Variants in PAFAH1B1 observed in about 807,000 individuals in gnomAD.
PAFAH1B1 encodes the protein platelet activating factor acetylhydrolase 1b regulatory subunit 1.
PAFAH1B1 carries 2 observed loss-of-function variants against 57.5 expected under a neutral mutation model. The ratio of observed to expected loss-of-function variants is 0.03; its 90% CI spans 0.01 to 0.11. The LOEUF (loss-of-function observed/expected upper bound fraction) is 0.11. Among genes scored for constraint, PAFAH1B1 ranks in the 10% least tolerant of loss-of-function variants. PAFAH1B1 has a pLI of 1.00. For missense variants in PAFAH1B1, 257 were observed against 512.0 expected (o/e 0.50, Z 4.81); for synonymous variants, 152 against 169.6 (o/e 0.90, Z 0.81).
intron 4 of PAFAH1B1, among the ~76,000 whole-genome samples, chr17:2,666,787 A>C (rs1194008540): frequency 1.3e-5 from 2 of 152,148 alleles, no homozygotes; most frequent in Non-Finnish European, 2.9e-5. Context: ...AATTTTTCTC[A>C]ATTTTTAGTT....
chr17:2,634,426 C>T (rs988488726), intron 1 of PAFAH1B1, among the ~76,000 whole-genome samples: 1 of 152,168 alleles, frequency 6.6e-6, no homozygotes, highest in Non-Finnish European at 1.5e-5. Flanking sequence ...CATGAGCCAC[C>T]GCGCCCAGTC....
In PAFAH1B1 at chr17:2,682,380, T is replaced by G. The variant is rs1335015793; in HGVS notation, c.*578T>G. On this transcript the variant is annotated 3_prime_UTR_variant, in exon 11 of 11. Coordinates refer to ENST00000397195, the MANE Select transcript of PAFAH1B1 (RefSeq NM_000430.4). ...TGTCATGACACATTTGCCAAATCAG[T>G]AGGATATATTTGTTTTGGCAGCCTA... is the stretch of plus-strand genomic sequence containing the variant. The G allele has an allele frequency of 2.6e-5, 4 of 152,680 alleles. No homozygotes were observed. Among genetic ancestry groups the G allele is most frequent in the African/African-American group, 7.2e-5 (3 of 41,454 alleles). 9.5% of individuals were successfully genotyped at this position (152,680 alleles called of 1,614,324 possible). A position where few individuals can be genotyped will look rare whatever the true frequency, so the allele number is the denominator to read the frequency against.
In PAFAH1B1 at chr17:2,608,987, T is replaced by G. The variant is rs554968332; in HGVS notation, c.-191+14981T>G. On this transcript the variant is annotated intron_variant, in intron 1 of 10. Transcript: ENST00000397195. ...CATTATCTAGCCAGGGGTTGAATAC[T>G]GGCAGCCTTGTATTTCTCTTTGCAT... 6.6e-5 allele frequency among the ~76,000 whole-genome samples: 10 copies of G among 152,372 alleles called. No individual in the cohort carries two copies. The South Asian group carries it at 2.1e-3, about 32-fold the overall frequency.
At chr17:2,658,072 A>G (rs1255641908) in intron 2 of PAFAH1B1, among the ~76,000 whole-genome samples, 1 of 152,194 alleles carries the variant, frequency 6.6e-6, no homozygotes, top group Non-Finnish European at 1.5e-5. Flanking sequence ...ACAGTTGTAA[A>G]TTATGCTGAA....
chr17:2,661,025 T>A (rs932555242), intron 2 of PAFAH1B1, among the ~76,000 whole-genome samples: 14 of 152,226 alleles, frequency 9.2e-5, no homozygotes, highest in African/African-American at 3.4e-4. Flanking sequence ...TTTTTTCATA[T>A]GTTTTTTGGC....
chr17:2,614,460 G>A (rs1440976272), intron 1 of PAFAH1B1, among the ~76,000 whole-genome samples: 1 of 152,152 alleles, frequency 6.6e-6, no homozygotes, highest in Non-Finnish European at 1.5e-5. Context: ...AAAGGGGAGA[G>A]AACATAAGAT....
chr17:2,644,017 C>T (rs772251574), intron 2 of PAFAH1B1, among the ~76,000 whole-genome samples: 3 of 152,128 alleles, frequency 2.0e-5, no homozygotes, highest in Non-Finnish European at 4.4e-5. Context: ...TGCAGGCTCC[C>T]GCCACCACAT....
At chr17:2,653,035 G>A (rs905687431) in intron 2 of PAFAH1B1, among the ~76,000 whole-genome samples, 2 of 152,120 alleles carry the variant, frequency 1.3e-5, no homozygotes, top group Non-Finnish European at 2.9e-5. Flanking sequence ...GTCCAACAAC[G>A]ATAGACTGGA....
chr17:2,613,042 TAA>T (rs34932981), intron 1 of PAFAH1B1, among the ~76,000 whole-genome samples: 5,659 of 132,342 alleles, frequency 0.043, 208 homozygotes, highest in African/African-American at 0.1. Flanking sequence ...TAATAATTTG[TAA>T]AAAAAAAAAA....
intron 1 of PAFAH1B1, among the ~76,000 whole-genome samples, chr17:2,621,461 G>C (rs1046308867): frequency 6.6e-6 from 1 of 152,312 alleles, no homozygotes; most frequent in Non-Finnish European, 1.5e-5. Context: ...TTGCTTAACA[G>C]ATTCTTGAAA....
intron 7 of PAFAH1B1, 79 bp from the exon 8 acceptor site, chr17:2,673,981 A>G (rs971024092): frequency 7.2e-6 from 7 of 975,728 alleles, no homozygotes; most frequent in Non-Finnish European, 1.1e-5. Context: ...TCTTCATCCC[A>G]GTACATATTT....
intron 1 of PAFAH1B1, among the ~76,000 whole-genome samples, chr17:2,594,519 G>A (rs1295316520): frequency 6.6e-6 from 1 of 152,204 alleles, no homozygotes; most frequent in Non-Finnish European, 1.5e-5. Flanking sequence ...CGCCGCCGGG[G>A]CACTCATAGG....
At chr17:2,672,848 T>A in intron 7 of PAFAH1B1, 91 bp downstream of exon 7, 1 of 787,168 alleles carries the variant, frequency 1.3e-6, no homozygotes, top group South Asian at 1.4e-5. Context: ...GGTGGGCAGA[T>A]CACCTGGTCA....
At chr17:2,595,366 G>A (rs1036449912) in intron 1 of PAFAH1B1, among the ~76,000 whole-genome samples, 4 of 150,688 alleles carry the variant, frequency 2.7e-5, no homozygotes, top group African/African-American at 9.8e-5. Flanking sequence ...ACAGTGCTTG[G>A]GCCTTTCATA....
chr17:2,675,416 G>A (rs565662712), intron 8 of PAFAH1B1, among the ~76,000 whole-genome samples: 1 of 152,146 alleles, frequency 6.6e-6, no homozygotes, highest in Non-Finnish European at 1.5e-5. Flanking sequence ...TTTTCTAAAT[G>A]AATCTTCTCT....
At position 2,651,584 on chromosome 17, in the gene PAFAH1B1, CA is replaced by C. The variant is rs572952878; in HGVS notation, c.32+13278del. The stretch of plus-strand genomic sequence containing the variant: ...TGGGTAACAGAGTGAGACTCCATCT[CA>C]AAAAAAAAAAAAAGAAAAATACATT... On this transcript the variant is annotated intron_variant, in intron 2 of 10. Transcript: ENST00000397195. Among the ~76,000 whole-genome samples, 1,044 of 107,150 alleles carry C rather than the reference CA, an allele frequency of 9.7e-3. 6 individuals carry two copies. Among genetic ancestry groups the C allele is most frequent in the South Asian group, 0.021 (74 of 3,496 alleles). 70.3% of individuals were successfully genotyped at this position (107,150 alleles called of 152,430 possible).
intron 2 of PAFAH1B1, among the ~76,000 whole-genome samples, chr17:2,657,257 T>C (rs1196504747): frequency 1.3e-5 from 2 of 152,172 alleles, no homozygotes; most frequent in Admixed American, 6.5e-5. Flanking sequence ...TGTTTCTGTT[T>C]TTTGAGACAA....
chr17:2,621,631 T>G (rs1200031738), intron 1 of PAFAH1B1, among the ~76,000 whole-genome samples: 6 of 80,318 alleles, frequency 7.5e-5, no homozygotes, highest in African/African-American at 2.6e-4. Context: ...TTTTTTTTTT[T>G]TTTTTTTTTT....
chr17:2,654,954 CTT>C (rs563890350), intron 2 of PAFAH1B1, among the ~76,000 whole-genome samples: 3 of 133,812 alleles, frequency 2.2e-5, no homozygotes, highest in Non-Finnish European at 3.3e-5. Flanking sequence ...TTTTTTTCTT[CTT>C]TTTTTTTTTT....
Sources: gnomAD v4.1 joint callset for allele counts (sites outside exome capture counted in the v4.1 genomes callset) on GRCh38, gnomAD v4.1.1 for gene constraint, MANE v1.5 for transcripts, NCBI Gene and HGNC (gene_info 2026-07-23, HGNC 2026-07-21) for gene names.